Variants in RSU1 observed in about 807,000 individuals in gnomAD.
RSU1 encodes the protein Ras suppressor protein 1, also known as rsu-1.
A neutral mutation model predicts 31.1 loss-of-function variants in RSU1; 26 were observed. That is an observed-to-expected ratio of 0.84 (90% CI 0.61 to 1.16). The LOEUF (loss-of-function observed/expected upper bound fraction) is 1.16. RSU1 is among the 50% of genes most tolerant of loss of function. The pLI, the probability that RSU1 is intolerant of heterozygous loss-of-function variation, is 0.00. For missense variants in RSU1, 320 were observed against 339.1 expected (o/e 0.94, Z 0.44); for synonymous variants, 164 against 136.3 (o/e 1.20, Z -1.41).
chr10:16,635,134 T>C (rs564167563), intron 8 of RSU1, among the ~76,000 whole-genome samples: 16 of 152,324 alleles, frequency 1.1e-4, no homozygotes, highest in African/African-American at 3.6e-4. Flanking sequence ...ATGCCCAATA[T>C]AGGCAAATGA....
intron 8 of RSU1, among the ~76,000 whole-genome samples, chr10:16,656,043 T>C (rs1483251532): frequency 1.3e-5 from 2 of 152,236 alleles, no homozygotes; most frequent in African/African-American, 2.4e-5. Flanking sequence ...AAAACATTTC[T>C]ATGTTTTTAG....
intron 7 of RSU1, among the ~76,000 whole-genome samples, chr10:16,733,526 A>G (rs887189261): frequency 1.1e-4 from 16 of 151,942 alleles, no homozygotes; most frequent in Non-Finnish European, 2.1e-4. Flanking sequence ...CAAACAAACA[A>G]AAACAGAAAA....
At position 16,670,065 on chromosome 10, in the gene RSU1, A is replaced by G. The variant is rs1588704992; in HGVS notation, c.731+24958T>C. Among the ~76,000 whole-genome samples, 7 of 152,344 alleles carry G rather than the reference A, an allele frequency of 4.6e-5. 1 individual carries two copies. In the South Asian group the frequency reaches 1.4e-3, roughly 32 times the overall value. ...CCCAAATTATAAAACTAAGATCTAG[A>G]TAAAGCAGTTTCTACTCAGGCCCAT... On this transcript the variant is annotated intron_variant, in intron 8 of 8. Coordinates refer to ENST00000345264, the MANE Select transcript of RSU1 (RefSeq NM_012425.4).
chr10:16,675,896 G>A (rs1374805381), intron 8 of RSU1, among the ~76,000 whole-genome samples: 1 of 152,164 alleles, frequency 6.6e-6, no homozygotes, highest in Non-Finnish European at 1.5e-5. Flanking sequence ...AGAGCTCCCT[G>A]GAGAAGGGCT....
At chr10:16,662,661 T>C (rs964605288) in intron 8 of RSU1, among the ~76,000 whole-genome samples, 6 of 152,148 alleles carry the variant, frequency 3.9e-5, no homozygotes, top group African/African-American at 1.4e-4. Flanking sequence ...AAAAGAAGAA[T>C]CAATAAATGA....
At chr10:16,741,596 A>G (rs1836752982) in intron 7 of RSU1, among the ~76,000 whole-genome samples, 3 of 152,314 alleles carry the variant, frequency 2.0e-5, no homozygotes, top group South Asian at 4.1e-4. Flanking sequence ...GGTTATTGAC[A>G]GCGGCTCATG....
At position 16,643,902 on chromosome 10, in the gene RSU1, T is replaced by A. The variant is rs550758228; in HGVS notation, c.732-50406A>T. On this transcript the variant is annotated intron_variant, in intron 8 of 8. Transcript: ENST00000345264. Reference sequence around the variant, plus strand: ...CTGAACAAGTGAAGATTTTTTTTTTTAAAAAAACTTGTCATTATTCTCTAA... The same window carrying A: ...CTGAACAAGTGAAGATTTTTTTTTTAAAAAAAACTTGTCATTATTCTCTAA... Among the ~76,000 whole-genome samples, 1,121 of 141,956 alleles carry A rather than the reference T, an allele frequency of 7.9e-3. 11 individuals carry two copies. Among genetic ancestry groups the A allele is most frequent in the African/African-American group, 0.027 (1,024 of 37,358 alleles). 93.1% of individuals were successfully genotyped at this position (141,956 alleles called of 152,430 possible).
In RSU1 at chr10:16,701,539, A is replaced by G. The variant is rs142652857; in HGVS notation, c.599-6384T>C. 1.2e-3 allele frequency among the ~76,000 whole-genome samples: 181 copies of G among 152,276 alleles called. No homozygotes were observed. In the South Asian group the frequency reaches 0.03, roughly 25 times the overall value. ...GGCATTCTGTACATTTAATGCATGCATTGCATTGCTGCTTTAAGATACATA... is the reference window on the plus strand; with the variant it reads ...GGCATTCTGTACATTTAATGCATGCGTTGCATTGCTGCTTTAAGATACATA... On this transcript the variant is annotated intron_variant, in intron 7 of 8. Coordinates refer to ENST00000345264, the MANE Select transcript of RSU1 (RefSeq NM_012425.4).
chr10:16,803,057 T>C (rs1419439002), intron 2 of RSU1, among the ~76,000 whole-genome samples: 1 of 152,050 alleles, frequency 6.6e-6, no homozygotes, highest in Non-Finnish European at 1.5e-5. Flanking sequence ...AGCAGCAAAA[T>C]GTATGCAGAT....
intron 8 of RSU1, among the ~76,000 whole-genome samples, chr10:16,693,642 C>T (rs774402946): frequency 7.9e-5 from 12 of 152,006 alleles, no homozygotes; most frequent in Non-Finnish European, 1.5e-4. Flanking sequence ...AGCAGGATTG[C>T]TTGACACCAG....
intron 8 of RSU1, among the ~76,000 whole-genome samples, chr10:16,683,458 G>A (rs922068352): frequency 4.6e-5 from 7 of 152,154 alleles, no homozygotes; most frequent in African/African-American, 7.2e-5. Context: ...TGGTTAATTT[G>A]TAAATCATCT....
chr10:16,601,473 A>G (rs756696620), intron 8 of RSU1, among the ~76,000 whole-genome samples: 3 of 152,134 alleles, frequency 2.0e-5, no homozygotes, highest in African/African-American at 4.8e-5. Context: ...GTTTTATGGT[A>G]CCTCATTTAT....
intron 4 of RSU1, among the ~76,000 whole-genome samples, chr10:16,755,461 T>G (rs1837065267): frequency 6.6e-6 from 1 of 152,028 alleles, no homozygotes; most frequent in Non-Finnish European, 1.5e-5. Flanking sequence ...TATTTAATAT[T>G]TACAATGACA....
rs541467966 is a variant in RSU1, at chr10:16,593,594, A to G, written c.732-98T>C. ...CAGGAATAGAAGAATCTCCAAAAAT[A>G]TTCAGTAAGCCAAAGAAAACCAAAA... On this transcript the variant is annotated intron_variant, in intron 8 of 8. Coordinates refer to ENST00000345264, the MANE Select transcript of RSU1 (RefSeq NM_012425.4). 13 of 935,290 alleles carry G rather than the reference A, an allele frequency of 1.4e-5. No individual in the cohort carries two copies. The African/African-American group carries it at 2.0e-4, about 14-fold the overall frequency. The allele number at this position is 935,290 out of a possible 1,614,324, so 57.9% of individuals were successfully genotyped here.
At chr10:16,635,127 C>A (rs546063374) in intron 8 of RSU1, among the ~76,000 whole-genome samples, 1 of 152,262 alleles carries the variant, frequency 6.6e-6, no homozygotes, top group Non-Finnish European at 1.5e-5. Context: ...AACAATCATG[C>A]CCAATATAGG....
At position 16,593,014 on chromosome 10, in the gene RSU1, C is replaced by G. The variant is rs138602971; in HGVS notation, c.*380G>C. On this transcript the variant is annotated 3_prime_UTR_variant, in exon 9 of 9. Coordinates refer to ENST00000345264, the MANE Select transcript of RSU1 (RefSeq NM_012425.4). ...AAGCAAAATAATGAGTTAGGTGAAT[C>G]AACAGAAAGAGTGAAAAGTGTTAAC... 803 of 159,238 alleles carry G rather than the reference C, an allele frequency of 5.0e-3. 6 individuals carry two copies. Among genetic ancestry groups the G allele is most frequent in the African/African-American group, 0.018 (761 of 41,620 alleles). The allele number at this position is 159,238 out of a possible 1,614,324, so 9.9% of individuals were successfully genotyped here. A position where few individuals can be genotyped will look rare whatever the true frequency, so the allele number is the denominator to read the frequency against.
chr10:16,757,622 T>G (rs1004625506), intron 4 of RSU1, among the ~76,000 whole-genome samples: 14 of 152,210 alleles, frequency 9.2e-5, no homozygotes, highest in African/African-American at 3.4e-4. Flanking sequence ...TAATGCTATG[T>G]TGAGATGAAA....
At chr10:16,691,633 A>G (rs1256492218) in intron 8 of RSU1, among the ~76,000 whole-genome samples, 2 of 150,532 alleles carry the variant, frequency 1.3e-5, no homozygotes, top group African/African-American at 4.9e-5. Context: ...AGCATCATGT[A>G]GATGCCCCTA....
chr10:16,764,905 T>C (rs1054431897), intron 3 of RSU1, among the ~76,000 whole-genome samples: 1 of 152,050 alleles, frequency 6.6e-6, no homozygotes, highest in Non-Finnish European at 1.5e-5. Context: ...TTTGGTTTTC[T>C]TGCATTGCCG....
Sources: gnomAD v4.1 joint callset for allele counts (sites outside exome capture counted in the v4.1 genomes callset) on GRCh38, gnomAD v4.1.1 for gene constraint, MANE v1.5 for transcripts, NCBI Gene and HGNC (gene_info 2026-07-23, HGNC 2026-07-21) for gene names.